ARHGEF3: variants seen among roughly 807,000 people sequenced by gnomAD.
ARHGEF3 encodes the protein Rho guanine nucleotide exchange factor 3.
ARHGEF3 carries 28 observed loss-of-function variants against 63.2 expected under a neutral mutation model. The observed-to-expected ratio is 0.44, with a 90% CI of 0.33 to 0.61. The LOEUF (loss-of-function observed/expected upper bound fraction) is 0.61. Ranked by LOEUF, ARHGEF3 falls within the 20% of genes least tolerant of loss-of-function variation. The pLI is 0.03. For synonymous variants in ARHGEF3, 266 were observed against 254.2 expected, an observed-to-expected ratio of 1.05 and a Z score of -0.44; for missense variants, 533 against 659.3, an observed-to-expected ratio of 0.81 and a Z score of 2.10.
At chr3:56,810,267 G>A (rs939839050) in intron 4 of ARHGEF3, among the ~76,000 whole-genome samples, 2 of 152,122 alleles carry the variant, frequency 1.3e-5, no homozygotes, top group African/African-American at 2.4e-5. Context: ...AAATAGGCTG[G>A]GTGTGGTGGC....
chr3:57,013,561 G>A (rs374816309), intron 2 of ARHGEF3, among the ~76,000 whole-genome samples: 14 of 152,270 alleles, frequency 9.2e-5, no homozygotes, highest in East Asian at 1.9e-4. Context: ...TCAGTTCTCC[G>A]TGGCTAGCTA....
chr3:56,738,087 A>G lies in ARHGEF3; in HGVS notation c.871-732T>C, dbSNP rs143206900. Among the ~76,000 whole-genome samples, 1,259 of 152,186 alleles carry G rather than the reference A, an allele frequency of 8.3e-3. 7 individuals are homozygous for G. The highest frequency in any genetic ancestry group is 0.012 in the Non-Finnish European group (813 of 68,012). Reference sequence around the variant, plus strand: ...TGAGACGGAGTCTCACTCTGTCACTAGGCTGGAGTGCAGTGGCGTGATCTC... The same window carrying G: ...TGAGACGGAGTCTCACTCTGTCACTGGGCTGGAGTGCAGTGGCGTGATCTC... On this transcript the variant is annotated intron_variant, in intron 7 of 9. Coordinates refer to ENST00000296315, the MANE Select transcript of ARHGEF3 (RefSeq NM_019555.3).
At chr3:56,979,748 C>A (rs1701255779) in intron 2 of ARHGEF3, among the ~76,000 whole-genome samples, 1 of 152,214 alleles carries the variant, frequency 6.6e-6, no homozygotes, top group South Asian at 2.1e-4. Flanking sequence ...TTTCTTAGCC[C>A]TTTGTGGGTG....
chr3:56,774,415 G>A (rs1014335038), intron 1 of ARHGEF3, among the ~76,000 whole-genome samples: 5 of 151,984 alleles, frequency 3.3e-5, no homozygotes, highest in African/African-American at 9.7e-5. Context: ...ATAACCAGAC[G>A]GCAAAAGAAA....
intron 1 of ARHGEF3, among the ~76,000 whole-genome samples, chr3:57,053,723 C>T (rs1173927928): frequency 6.6e-6 from 1 of 152,192 alleles, no homozygotes; most frequent in African/African-American, 2.4e-5. Context: ...ATTCATTTGC[C>T]TGTGTCTGAA....
At chr3:57,021,578 C>T (rs1042737760) in intron 2 of ARHGEF3, among the ~76,000 whole-genome samples, 3 of 151,878 alleles carry the variant, frequency 2.0e-5, no homozygotes, top group Admixed American at 1.3e-4. Context: ...CATGGTGAAA[C>T]CCCATCTCTA....
intron 3 of ARHGEF3, among the ~76,000 whole-genome samples, chr3:56,888,907 A>AAAAAC (rs77059137): frequency 1.3e-5 from 2 of 151,258 alleles, no homozygotes; most frequent in Non-Finnish European, 3.0e-5. Context: ...CCATCTCAAA[A>AAAAAC]AAAAACAAAA....
At chr3:56,901,745 C>T (rs1023896226) in intron 3 of ARHGEF3, among the ~76,000 whole-genome samples, 1 of 151,962 alleles carries the variant, frequency 6.6e-6, no homozygotes, top group African/African-American at 2.4e-5. Context: ...CACCATACCC[C>T]ACTAATTTTT....
chr3:57,009,345 C>G (rs566632606), intron 2 of ARHGEF3, among the ~76,000 whole-genome samples: 1 of 152,224 alleles, frequency 6.6e-6, no homozygotes, highest in Non-Finnish European at 1.5e-5. Context: ...AATTCTGACA[C>G]TGCTCATGCA....
At chr3:57,002,989 C>G (rs567160940) in intron 2 of ARHGEF3, among the ~76,000 whole-genome samples, 8 of 151,354 alleles carry the variant, frequency 5.3e-5, no homozygotes, top group Non-Finnish European at 7.4e-5. Context: ...GGCCAGGCTC[C>G]GTCTCCTGAC....
rs536946344 is a variant in ARHGEF3, at chr3:56,779,294, G to A, written c.97-5478C>T. On this transcript the variant is annotated intron_variant, in intron 1 of 9. Transcript: ENST00000296315. ...CAAAGGACATAAAAAGTGATATAATGCCTGGGATCTACTTCAAAATAATGA... is the reference window on the plus strand; with the variant it reads ...CAAAGGACATAAAAAGTGATATAATACCTGGGATCTACTTCAAAATAATGA... Among the ~76,000 whole-genome samples the A allele has an allele frequency of 2.6e-5, 4 of 152,200 alleles. No homozygotes were observed. In the South Asian group the frequency reaches 8.3e-4, roughly 32 times the overall value.
chr3:56,731,729 T>C (rs1435176498), intron 9 of ARHGEF3: 1 of 170,646 alleles, frequency 5.9e-6, no homozygotes, highest in Non-Finnish European at 1.3e-5. Context: ...ACTCGATAGA[T>C]ATTGCTATCT....
At chr3:56,884,850 G>C (rs561690511) in intron 3 of ARHGEF3, among the ~76,000 whole-genome samples, 9 of 152,188 alleles carry the variant, frequency 5.9e-5, no homozygotes, top group Non-Finnish European at 7.4e-5. Context: ...TTTTGAGCCA[G>C]ATATGGTATG....
intron 8 of ARHGEF3, among the ~76,000 whole-genome samples, chr3:56,733,152 G>A (rs139659792): frequency 0.049 from 7,503 of 151,644 alleles, 278 homozygotes; most frequent in South Asian, 0.15. Flanking sequence ...GTGTGGTGGC[G>A]GGCACCTGTA....
At chr3:56,839,832 C>A (rs1205841099) in intron 4 of ARHGEF3, among the ~76,000 whole-genome samples, 1 of 152,096 alleles carries the variant, frequency 6.6e-6, no homozygotes, top group Non-Finnish European at 1.5e-5. Context: ...CACATTACCA[C>A]CTTTTACCCA....
chr3:56,779,624 G>A (rs903727824), intron 1 of ARHGEF3, among the ~76,000 whole-genome samples: 1 of 152,066 alleles, frequency 6.6e-6, no homozygotes, highest in Non-Finnish European at 1.5e-5. Context: ...TCCTGCTTCT[G>A]CCTCTTCCCA....
chr3:56,779,050 C>T (rs2036418604), intron 1 of ARHGEF3, among the ~76,000 whole-genome samples: 1 of 152,086 alleles, frequency 6.6e-6, no homozygotes, highest in South Asian at 2.1e-4. Context: ...CTGCACTCTC[C>T]CACAGGCACA....
intron 1 of ARHGEF3, among the ~76,000 whole-genome samples, chr3:56,779,543 A>G (rs1463891965): frequency 6.6e-6 from 1 of 151,648 alleles, no homozygotes; most frequent in African/African-American, 2.4e-5. Flanking sequence ...CGCAGGCTGG[A>G]GTGCAGTGGC....
At chr3:56,871,900 C>T (rs2040442293) in intron 4 of ARHGEF3, among the ~76,000 whole-genome samples, 1 of 152,190 alleles carries the variant, frequency 6.6e-6, no homozygotes, top group African/African-American at 2.4e-5. Flanking sequence ...CTACAGATCA[C>T]AGAAGCGTTC....
Sources: gnomAD v4.1 joint callset for allele counts (sites outside exome capture counted in the v4.1 genomes callset) on GRCh38, gnomAD v4.1.1 for gene constraint, MANE v1.5 for transcripts, NCBI Gene and HGNC (gene_info 2026-07-23, HGNC 2026-07-21) for gene names.